The following TMPRSS15 variants were observed in gnomAD, a reference collection of about 807,000 sequenced individuals.
TMPRSS15 encodes the protein enteropeptidase.
In TMPRSS15, 128 loss-of-function variants were observed where a neutral mutation model predicts 125.3. That is an observed-to-expected ratio of 1.02 (90% confidence interval 0.89 to 1.18). The LOEUF (loss-of-function observed/expected upper bound fraction) is 1.18, where lower values mean the gene tolerates loss of function less well. Ranked by LOEUF, TMPRSS15 falls within the 50% of genes most tolerant of loss-of-function variation. The pLI is 0.00. For synonymous variants in TMPRSS15, 446 were observed against 423.2 expected, an observed-to-expected ratio of 1.05 and a Z score of -0.66; for missense variants, 1,283 against 1,212.7, an observed-to-expected ratio of 1.06 and a Z score of -0.86.
At chr21:18,298,459 G>T (rs528075197) in intron 18 of TMPRSS15, among the ~76,000 whole-genome samples, 1 of 152,300 alleles carries the variant, frequency 6.6e-6, no homozygotes, top group South Asian at 2.1e-4. Flanking sequence ...GGCACCACAG[G>T]GTGGAGAGAG....
chr21:18,358,147 C>A (rs1049714890), intron 8 of TMPRSS15, among the ~76,000 whole-genome samples: 2 of 151,696 alleles, frequency 1.3e-5, no homozygotes, highest in South Asian at 2.1e-4. Flanking sequence ...ATTGCTGATA[C>A]CCTAACCATG....
intron 16 of TMPRSS15, among the ~76,000 whole-genome samples, chr21:18,315,925 G>A (rs1367956481): frequency 6.8e-6 from 1 of 147,074 alleles, no homozygotes; most frequent in Non-Finnish European, 1.5e-5. Context: ...CTGAGCAAAT[G>A]ACGAGTTAAT....
intron 24 of TMPRSS15, 32 bp from the exon 25 acceptor site, chr21:18,270,156 A>C: frequency 1.3e-6 from 2 of 1,590,592 alleles, no homozygotes; most frequent in East Asian, 2.2e-5. Flanking sequence ...AAAATTGTAG[A>C]TATGTGGTCA....
At chr21:18,484,037 A>T (rs1320081625) in intron 1 of TMPRSS15, among the ~76,000 whole-genome samples, 1 of 151,898 alleles carries the variant, frequency 6.6e-6, no homozygotes, top group Non-Finnish European at 1.5e-5. Context: ...TCAAAAAGTT[A>T]CCTTTGTAAT....
At chr21:18,448,389 G>T (rs1185253026) in intron 1 of TMPRSS15, among the ~76,000 whole-genome samples, 2 of 152,070 alleles carry the variant, frequency 1.3e-5, no homozygotes, top group African/African-American at 4.8e-5. Context: ...TAATATCCAT[G>T]AGCTTTGGGA....
intron 1 of TMPRSS15, among the ~76,000 whole-genome samples, chr21:18,414,408 C>T (rs1410468256): frequency 6.6e-6 from 1 of 152,152 alleles, no homozygotes; most frequent in African/African-American, 2.4e-5. Flanking sequence ...TTTTGAAATG[C>T]ACAATATCAT....
At chr21:18,458,218 T>C (rs1323139236) in intron 1 of TMPRSS15, among the ~76,000 whole-genome samples, 1 of 152,170 alleles carries the variant, frequency 6.6e-6, no homozygotes, top group Non-Finnish European at 1.5e-5. Flanking sequence ...TGGAACCTTG[T>C]GCATGAATGA....
intron 3 of TMPRSS15, among the ~76,000 whole-genome samples, chr21:18,392,715 T>C (rs1318345776): frequency 1.3e-5 from 2 of 152,156 alleles, no homozygotes; most frequent in Admixed American, 6.5e-5. Flanking sequence ...GGGTAATTTA[T>C]AAAGGAAGGA....
rs547432668 is a variant in TMPRSS15, at chr21:18,348,452, A to C, written c.1172-4392T>G. ...ATCCTAGAAATCCCTCTCAAGAAGG[A>C]AATAGGCTGATGCAAATTGTTTCAT... On this transcript the variant is annotated intron_variant, in intron 10 of 24. Transcript: ENST00000284885. Among the ~76,000 whole-genome samples, 4 of 152,328 alleles carry C rather than the reference A, an allele frequency of 2.6e-5. No individual in the cohort carries two copies. In the East Asian group the frequency reaches 7.7e-4, roughly 29 times the overall value.
chr21:18,469,194 A>G (rs537032744), intron 1 of TMPRSS15, among the ~76,000 whole-genome samples: 54 of 152,264 alleles, frequency 3.5e-4, no homozygotes, highest in African/African-American at 1.3e-3. Flanking sequence ...TATATTATAG[A>G]ATTCTTTTGG....
At chr21:18,339,580 G>A (rs17002576) in intron 13 of TMPRSS15, among the ~76,000 whole-genome samples, 6,380 of 152,146 alleles carry the variant, frequency 0.042, 372 homozygotes, top group African/African-American at 0.14. Context: ...AAAGTACTGC[G>A]TTTGTGGGAT....
At chr21:18,282,915 G>A (rs1307199843) in intron 21 of TMPRSS15, among the ~76,000 whole-genome samples, 1 of 152,122 alleles carries the variant, frequency 6.6e-6, no homozygotes, top group Non-Finnish European at 1.5e-5. Flanking sequence ...AGATGTGGGG[G>A]GCAAGAGGGA....
intron 7 of TMPRSS15, among the ~76,000 whole-genome samples, chr21:18,360,910 ATAT>A (rs1601389858): frequency 6.6e-6 from 1 of 152,140 alleles, no homozygotes; most frequent in East Asian, 1.9e-4. Flanking sequence ...CAATTCATGT[ATAT>A]TGTTCATACC....
chr21:18,421,550 G>A (rs1391432675), intron 1 of TMPRSS15, among the ~76,000 whole-genome samples: 1 of 152,116 alleles, frequency 6.6e-6, no homozygotes, highest in Non-Finnish European at 1.5e-5. Flanking sequence ...CATTAATGAA[G>A]TTGTAACCAG....
chr21:18,313,206 C>T, intron 17 of TMPRSS15, 129 bp from the exon 18 acceptor site: 3 of 734,104 alleles, frequency 4.1e-6, no homozygotes, highest in Admixed American at 4.0e-5. Context: ...TCTTGCACAG[C>T]ACTGTGACTA....
rs1222984618 is a variant in TMPRSS15, at chr21:18,409,895, C to T, written c.11-11566G>A. ...CTCCCTTCCCTCCCTCCCTCCCTTC[C>T]TTCCTTCTTCCCTCCCTCCCTCCCT... On this transcript the variant is annotated intron_variant, in intron 1 of 7. Transcript: ENST00000422787. 5.1e-5 allele frequency among the ~76,000 whole-genome samples: 6 copies of T among 116,586 alleles called. 1 individual carries two copies. The highest frequency in any genetic ancestry group is 7.1e-5 in the Non-Finnish European group (4 of 56,476). 76.5% of individuals were successfully genotyped at this position (116,586 alleles called of 152,430 possible). A position where few individuals can be genotyped will look rare whatever the true frequency, so the allele number is the denominator to read the frequency against.
intron 5 of TMPRSS15, among the ~76,000 whole-genome samples, chr21:18,377,826 T>G (rs1601412345): frequency 6.6e-6 from 1 of 152,140 alleles, no homozygotes; most frequent in East Asian, 1.9e-4. Flanking sequence ...TACTTTCCCA[T>G]GCTCTCTGAC....
chr21:18,433,499 A>C (rs13047075), intron 1 of TMPRSS15, among the ~76,000 whole-genome samples: 64,921 of 151,264 alleles, frequency 0.43, 15,184 homozygotes, highest in Non-Finnish European at 0.53. Context: ...TTGAGACCAG[A>C]CTGGGTAACA....
At chr21:18,273,843 AAGC>A (rs1326402339) in intron 24 of TMPRSS15, among the ~76,000 whole-genome samples, 2 of 152,262 alleles carry the variant, frequency 1.3e-5, no homozygotes, top group African/African-American at 4.8e-5. Context: ...GCATTTATCA[AAGC>A]AGAATAAATG....
Sources: gnomAD v4.1 joint callset for allele counts (sites outside exome capture counted in the v4.1 genomes callset) on GRCh38, gnomAD v4.1.1 for gene constraint, MANE v1.5 for transcripts, NCBI Gene and HGNC (gene_info 2026-07-23, HGNC 2026-07-21) for gene names.